The following CAMTA1 variants were observed in gnomAD, a reference collection of about 807,000 sequenced individuals.
CAMTA1 encodes the protein calmodulin binding transcription activator 1, also known as calmodulin-binding transcription activator 1.
CAMTA1 carries 27 observed loss-of-function variants against 170.9 expected under a neutral mutation model. That is an observed-to-expected ratio of 0.16 (90% confidence interval 0.12 to 0.22). CAMTA1 has a LOEUF of 0.22. CAMTA1 is among the 10% of genes least tolerant of loss of function. The pLI is 1.00. For synonymous variants in CAMTA1, 833 were observed against 891.5 expected (o/e 0.93, Z 1.17); for missense variants, 1,619 against 2,217.2 (o/e 0.73, Z 5.42).
chr1:6,914,700 T>C (rs536330506), intron 3 of CAMTA1, among the ~76,000 whole-genome samples: 270 of 152,320 alleles, frequency 1.8e-3, no homozygotes, highest in African/African-American at 6.1e-3. Context: ...TTTTCCCTCT[T>C]TAAGGCCAGG....
At position 7,683,534 on chromosome 1, in the gene CAMTA1, C is replaced by T. The variant is rs185139875; in HGVS notation, c.2914+5801C>T. Among the ~76,000 whole-genome samples, 51 of 150,406 alleles carry T rather than the reference C, an allele frequency of 3.4e-4. No homozygotes were observed. In the Middle Eastern group the frequency reaches 0.01, roughly 30 times the overall value. On this transcript the variant is annotated intron_variant, in intron 11 of 22. Transcript: ENST00000303635. ...AGGGGTCACCCAAAGGAAGAAAGGACGCCCACCCCACCGAGAGCTTTCTGG... is the reference window on the plus strand; with the variant it reads ...AGGGGTCACCCAAAGGAAGAAAGGATGCCCACCCCACCGAGAGCTTTCTGG...
At chr1:7,125,429 T>G (rs1644875102) in intron 4 of CAMTA1, among the ~76,000 whole-genome samples, 2 of 151,804 alleles carry the variant, frequency 1.3e-5, no homozygotes, top group Admixed American at 6.6e-5. Context: ...AAGTTCGGAG[T>G]GATTGCAATA....
At chr1:7,647,475 C>G (rs539092228) in intron 7 of CAMTA1, among the ~76,000 whole-genome samples, 1 of 152,292 alleles carries the variant, frequency 6.6e-6, no homozygotes, top group East Asian at 1.9e-4. Flanking sequence ...CCTGACTCCC[C>G]GGTCCAGGCC....
At chr1:6,871,828 C>T in intron 3 of CAMTA1, 1 of 1,499,030 alleles carries the variant, frequency 6.7e-7, no homozygotes. Flanking sequence ...ATCCCCTGAC[C>T]TGCATTACCT....
At chr1:7,358,045 G>C (rs1264214908) in intron 5 of CAMTA1, among the ~76,000 whole-genome samples, 2 of 152,196 alleles carry the variant, frequency 1.3e-5, no homozygotes, top group African/African-American at 4.8e-5. Flanking sequence ...TCAAAATGAA[G>C]GTCCAAGCCC....
chr1:7,637,541 C>T (rs992261591), intron 6 of CAMTA1, among the ~76,000 whole-genome samples: 1 of 152,118 alleles, frequency 6.6e-6, no homozygotes, highest in African/African-American at 2.4e-5. Context: ...GTTACCCCCT[C>T]CATGCAAAGG....
At chr1:6,886,617 G>T (rs956787992) in intron 3 of CAMTA1, among the ~76,000 whole-genome samples, 1 of 152,214 alleles carries the variant, frequency 6.6e-6, no homozygotes, top group South Asian at 2.1e-4. Flanking sequence ...TTAAACAGCT[G>T]TGCTGATATT....
intron 1 of CAMTA1, among the ~76,000 whole-genome samples, chr1:6,794,185 TGATTG>T (rs1299941646): frequency 1.3e-5 from 2 of 152,320 alleles, no homozygotes; most frequent in Admixed American, 6.5e-5. Flanking sequence ...ACAAATAAGT[TGATTG>T]GATTGGTTTT....
intron 6 of CAMTA1, among the ~76,000 whole-genome samples, chr1:7,469,177 G>C (rs1041033927): frequency 7.2e-5 from 11 of 152,174 alleles, no homozygotes; most frequent in Non-Finnish European, 1.6e-4. Flanking sequence ...ACCTCACCCT[G>C]TCATCAGTTT....
At chr1:7,292,258 G>A (rs1408777693) in intron 5 of CAMTA1, among the ~76,000 whole-genome samples, 1 of 152,086 alleles carries the variant, frequency 6.6e-6, no homozygotes, top group Non-Finnish European at 1.5e-5. Context: ...GCCTTCTCTG[G>A]GGATCAATTA....
chr1:7,326,534 TAAAGG>T (rs1004590137), intron 5 of CAMTA1, among the ~76,000 whole-genome samples: 4 of 152,130 alleles, frequency 2.6e-5, no homozygotes, highest in Non-Finnish European at 1.5e-5. Flanking sequence ...CTGGTATCCT[TAAAGG>T]AAGAGGGAAA....
chr1:6,885,439 A>C (rs972802149), intron 3 of CAMTA1, among the ~76,000 whole-genome samples: 2 of 152,224 alleles, frequency 1.3e-5, no homozygotes, highest in African/African-American at 4.8e-5. Context: ...AGAATGCTCA[A>C]ACCATCCAAA....
intron 5 of CAMTA1, among the ~76,000 whole-genome samples, chr1:7,352,211 A>G (rs1233878060): frequency 6.7e-6 from 1 of 149,344 alleles, no homozygotes; most frequent in Non-Finnish European, 1.5e-5. Flanking sequence ...TGAGGAGGGG[A>G]GAGAGAAACG....
chr1:7,626,209 A>T (rs11808308), intron 6 of CAMTA1, among the ~76,000 whole-genome samples: 35,248 of 152,106 alleles, frequency 0.23, 5,968 homozygotes, highest in African/African-American at 0.48. Flanking sequence ...ACCATTACAG[A>T]TGCCAGAGCA....
chr1:7,448,092 T>C (rs78666694), intron 5 of CAMTA1, among the ~76,000 whole-genome samples: 10,695 of 152,248 alleles, frequency 0.07, 694 homozygotes, highest in African/African-American at 0.17. Context: ...CAAACGCATG[T>C]GTTTGCAGAG....
chr1:6,888,891 T>C, intron 3 of CAMTA1, among the ~76,000 whole-genome samples: 1 of 152,200 alleles, frequency 6.6e-6, no homozygotes, highest in Non-Finnish European at 1.5e-5. Flanking sequence ...TGTAGGCTGT[T>C]ACCTCAAGGT....
intron 4 of CAMTA1, among the ~76,000 whole-genome samples, chr1:7,127,974 C>G (rs983826104): frequency 6.6e-6 from 1 of 152,230 alleles, no homozygotes; most frequent in East Asian, 1.9e-4. Flanking sequence ...ACTGCTTGTA[C>G]AAACCATGCC....
intron 1 of CAMTA1, among the ~76,000 whole-genome samples, chr1:6,792,286 T>C (rs1569879830): frequency 6.6e-6 from 1 of 151,190 alleles, no homozygotes; most frequent in East Asian, 1.9e-4. Flanking sequence ...AAATTGACAA[T>C]GGAGAGCAGT....
At chr1:7,379,279 A>G (rs72853133) in intron 5 of CAMTA1, among the ~76,000 whole-genome samples, 7,031 of 152,298 alleles carry the variant, frequency 0.046, 482 homozygotes, top group African/African-American at 0.15. Flanking sequence ...AAAATAGTTG[A>G]TTTTCAAAGA....
Sources: allele counts gnomAD v4.1 joint callset (sites outside exome capture counted in the v4.1 genomes callset), GRCh38; gene constraint gnomAD v4.1.1; transcripts MANE v1.5; gene names NCBI Gene and HGNC (gene_info 2026-07-23, HGNC 2026-07-21).